PEPD: variants seen among roughly 807,000 people sequenced by gnomAD.
PEPD encodes the protein xaa-Pro dipeptidase.
In PEPD, 53 loss-of-function variants were observed where a neutral mutation model predicts 60.7. That is an observed-to-expected ratio of 0.87 (90% CI 0.70 to 1.10). The LOEUF is 1.10. Ranked by LOEUF, PEPD falls within the 50% of genes least tolerant of loss-of-function variation. The pLI is 0.00. For missense variants in PEPD, 711 were observed against 711.9 expected (o/e 1.00, Z 0.01); for synonymous variants, 267 against 284.1 (o/e 0.94, Z 0.60).
At chr19:33,494,804 C>A (rs956211717) in intron 4 of PEPD, among the ~76,000 whole-genome samples, 1 of 152,172 alleles carries the variant, frequency 6.6e-6, no homozygotes, top group Non-Finnish European at 1.5e-5. Flanking sequence ...AACAGCGCAG[C>A]CCAGATTTGA....
At chr19:33,492,379 T>A (rs553038761) in intron 5 of PEPD, among the ~76,000 whole-genome samples, 1 of 152,278 alleles carries the variant, frequency 6.6e-6, no homozygotes, top group South Asian at 2.1e-4. Flanking sequence ...ACTTTCTTTT[T>A]TCCTTTTTAA....
At chr19:33,456,531 A>G (rs1048471495) in intron 9 of PEPD, among the ~76,000 whole-genome samples, 1 of 152,196 alleles carries the variant, frequency 6.6e-6, no homozygotes, top group African/African-American at 2.4e-5. Flanking sequence ...AAGCCACCTG[A>G]GGCAAAGAGG....
At chr19:33,470,627 C>A (rs1213460568) in intron 7 of PEPD, among the ~76,000 whole-genome samples, 1 of 152,138 alleles carries the variant, frequency 6.6e-6, no homozygotes, top group Non-Finnish European at 1.5e-5. Context: ...CATATATAGT[C>A]CTGGAAGACA....
At position 33,467,135 on chromosome 19, in the gene PEPD, T is replaced by C. The variant is rs375005443; in HGVS notation, c.549-3073A>G. ...TCACGCCACTGCACTCCAGCCTGGG[T>C]GACAGAGCAAGACTCCGTCTCAAAA... On this transcript the variant is annotated intron_variant, in intron 7 of 14. Transcript: ENST00000244137. Among the ~76,000 whole-genome samples, 5 of 145,348 alleles carry C rather than the reference T, an allele frequency of 3.4e-5. No homozygotes were observed. In the East Asian group the frequency reaches 6.0e-4, roughly 17 times the overall value.
At chr19:33,423,357 CA>C (rs1969074486) in intron 9 of PEPD, among the ~76,000 whole-genome samples, 1 of 152,220 alleles carries the variant, frequency 6.6e-6, no homozygotes, top group Non-Finnish European at 1.5e-5. Context: ...GTATGATGGC[CA>C]CGCATGGCCT....
At chr19:33,447,961 C>T (rs1438653814) in intron 9 of PEPD, among the ~76,000 whole-genome samples, 3 of 152,176 alleles carry the variant, frequency 2.0e-5, no homozygotes, top group Admixed American at 6.5e-5. Context: ...GTCGGAGTAT[C>T]TAACAGGGAT....
intron 9 of PEPD, among the ~76,000 whole-genome samples, chr19:33,425,811 G>C (rs1304136778): frequency 6.6e-6 from 1 of 152,122 alleles, no homozygotes; most frequent in African/African-American, 2.4e-5. Flanking sequence ...CCGCCTTAAG[G>C]CTTCTTTGAG....
chr19:33,446,424 C>G (rs893725642), intron 9 of PEPD, among the ~76,000 whole-genome samples: 7 of 152,346 alleles, frequency 4.6e-5, no homozygotes, highest in African/African-American at 1.7e-4. Context: ...ACGGGTCATC[C>G]TGGCTGCTAA....
At chr19:33,513,332 G>A (rs1401474739) in intron 1 of PEPD, among the ~76,000 whole-genome samples, 1 of 152,092 alleles carries the variant, frequency 6.6e-6, no homozygotes, top group African/African-American at 2.4e-5. Flanking sequence ...GACTGATGAT[G>A]TCCAGCTCCA....
intron 9 of PEPD, among the ~76,000 whole-genome samples, chr19:33,452,206 A>C (rs922938257): frequency 1.3e-5 from 2 of 152,244 alleles, no homozygotes; most frequent in African/African-American, 4.8e-5. Flanking sequence ...GGTCACCAAG[A>C]AAAATTCAAC....
At chr19:33,509,697 A>G (rs1568510120) in intron 3 of PEPD, among the ~76,000 whole-genome samples, 1 of 152,212 alleles carries the variant, frequency 6.6e-6, no homozygotes, top group Non-Finnish European at 1.5e-5. Context: ...CAATTTATAC[A>G]TTAGCCCAGA....
Position 33,501,144 on chromosome 19 carries a change from G to A in PEPD, c.330-143C>T, listed in dbSNP as rs539434691. 422 of 716,500 alleles carry A rather than the reference G, an allele frequency of 5.9e-4. 1 individual carries two copies. The highest frequency in any genetic ancestry group is 9.2e-4 in the Non-Finnish European group (361 of 390,394). The allele number at this position is 716,500 out of a possible 1,614,324, so 44.4% of individuals were successfully genotyped here. A position where few individuals can be genotyped will look rare whatever the true frequency, so the allele number is the denominator to read the frequency against. ...CACCCAGCACCCAGCACCCGGCACC[G>A]AACAGGTCGGCCCAACACACACTTG... On this transcript the variant is annotated intron_variant, in intron 3 of 14. Coordinates refer to ENST00000244137, the MANE Select transcript of PEPD (RefSeq NM_000285.4).
At chr19:33,424,156 C>A (rs958762146) in intron 9 of PEPD, among the ~76,000 whole-genome samples, 2 of 152,192 alleles carry the variant, frequency 1.3e-5, no homozygotes, top group African/African-American at 2.4e-5. Context: ...AAGTCCACCC[C>A]CTCCCCAAGC....
intron 9 of PEPD, among the ~76,000 whole-genome samples, chr19:33,455,264 A>C (rs114195504): frequency 6.6e-6 from 1 of 152,216 alleles, no homozygotes; most frequent in Non-Finnish European, 1.5e-5. Context: ...TGCCAGGTAC[A>C]TGGAACTCTC....
intron 7 of PEPD, among the ~76,000 whole-genome samples, chr19:33,469,709 C>T (rs905427282): frequency 6.6e-6 from 1 of 152,120 alleles, no homozygotes; most frequent in Admixed American, 6.5e-5. Flanking sequence ...GAAGAATCCT[C>T]CCCTCACTTG....
chr19:33,432,273 G>A (rs756472457), intron 9 of PEPD, among the ~76,000 whole-genome samples: 48 of 152,166 alleles, frequency 3.2e-4, no homozygotes, highest in Admixed American at 2.3e-3. Flanking sequence ...CTTCTTCTCT[G>A]GAATCAGATT....
At chr19:33,407,182 AG>A (rs1968647603) in intron 11 of PEPD, among the ~76,000 whole-genome samples, 1 of 152,184 alleles carries the variant, frequency 6.6e-6, no homozygotes. Context: ...GAAGTGAGGG[AG>A]GCAGGAGGAG....
intron 5 of PEPD, among the ~76,000 whole-genome samples, chr19:33,492,841 G>A (rs1970526201): frequency 6.6e-6 from 1 of 152,120 alleles, no homozygotes; most frequent in Non-Finnish European, 1.5e-5. Flanking sequence ...GACTGAGCAG[G>A]TATCGCTACT....
At chr19:33,396,696 A>G (rs1303993214) in intron 12 of PEPD, among the ~76,000 whole-genome samples, 11 of 23,258 alleles carry the variant, frequency 4.7e-4, no homozygotes, top group African/African-American at 1.9e-3. Context: ...AAAGGCGGGG[A>G]GGCCAGGGAG....
Sources: gnomAD v4.1 joint callset for allele counts (sites outside exome capture counted in the v4.1 genomes callset) on GRCh38, gnomAD v4.1.1 for gene constraint, MANE v1.5 for transcripts, NCBI Gene and HGNC (gene_info 2026-07-23, HGNC 2026-07-21) for gene names.